Variants in MTRES1 observed in about 807,000 individuals in gnomAD.
MTRES1 encodes uncharacterized protein C6orf203.
Under a neutral mutation model 17.4 loss-of-function variants are expected in MTRES1, and 11 were observed. That is an observed-to-expected ratio of 0.63 (90% CI 0.40 to 1.05). The LOEUF (loss-of-function observed/expected upper bound fraction) is 1.05. MTRES1 is among the 50% of genes least tolerant of loss of function. The pLI is 0.00. For synonymous variants in MTRES1, 94 were observed against 99.6 expected (o/e 0.94, Z 0.34); for missense variants, 268 against 276.2 (o/e 0.97, Z 0.21).
intron 3 of MTRES1, among the ~76,000 whole-genome samples, chr6:107,045,772 A>G (rs782653276): frequency 6.0e-4 from 92 of 152,244 alleles, no homozygotes; most frequent in Non-Finnish European, 1.2e-3. Context: ...AGGTATTGGA[A>G]GACATAATCT....
intron 1 of MTRES1, among the ~76,000 whole-genome samples, chr6:107,030,823 C>T (rs1255184226): frequency 2.6e-5 from 4 of 152,150 alleles, no homozygotes; most frequent in African/African-American, 7.2e-5. Context: ...AGCAGGCATT[C>T]TAAGGATAGC....
chr6:107,030,815 C>T (rs1342523739), intron 1 of MTRES1, among the ~76,000 whole-genome samples: 2 of 152,142 alleles, frequency 1.3e-5, no homozygotes, highest in Non-Finnish European at 2.9e-5. Context: ...ACTTTGCAAG[C>T]AGGCATTCTA....
chr6:107,038,088 TC>T (rs3834847), intron 1 of MTRES1, among the ~76,000 whole-genome samples: 41,610 of 152,086 alleles, frequency 0.27, 6,037 homozygotes, highest in South Asian at 0.34. Context: ...CTGCTTTATT[TC>T]CCTTTTAAGA....
At chr6:107,049,579 A>C (rs1417212132) in intron 3 of MTRES1, among the ~76,000 whole-genome samples, 1 of 151,404 alleles carries the variant, frequency 6.6e-6, no homozygotes, top group African/African-American at 2.4e-5. Flanking sequence ...ACACCCAGCT[A>C]ATTTTTTGTA....
chr6:107,046,930 T>TTTTGTGTG (rs1367322880), intron 3 of MTRES1, among the ~76,000 whole-genome samples: 3,355 of 32,938 alleles, frequency 0.1, 96 homozygotes, highest in Non-Finnish European at 0.2. Flanking sequence ...GGATTCATTC[T>TTTTGTGTG]TGTGTGTGTG....
chr6:107,040,381 A>G, intron 2 of MTRES1, 151 bp downstream of exon 2: 4 of 590,978 alleles, frequency 6.8e-6, no homozygotes, highest in Non-Finnish European at 8.0e-6. Context: ...CATTTTATAG[A>G]TGAGCAAACT....
intron 1 of MTRES1, among the ~76,000 whole-genome samples, chr6:107,036,810 A>G (rs1380120477): frequency 6.7e-6 from 1 of 149,968 alleles, no homozygotes; most frequent in Non-Finnish European, 1.5e-5. Context: ...AGATCGCGCC[A>G]CTGTACTCCA....
rs1311550884 is a variant in MTRES1, at chr6:107,028,842, C to T, written c.-13+571C>T. Reference sequence around the variant, plus strand: ...CTCTCCTGAAGATGTCACCCAAAACCTCCTATGGGATTCTGCCGTGATCAT... The same window carrying T: ...CTCTCCTGAAGATGTCACCCAAAACTTCCTATGGGATTCTGCCGTGATCAT... On this transcript the variant is annotated intron_variant, in intron 1 of 3. Coordinates refer to ENST00000311381, the MANE Select transcript of MTRES1 (RefSeq NM_016487.5). 4.1e-6 allele frequency: 4 copies of T among 980,990 alleles called. No individual in the cohort carries two copies. The African/African-American group carries it at 5.3e-5, about 13-fold the overall frequency. 60.8% of individuals were successfully genotyped at this position (980,990 alleles called of 1,614,324 possible). A position where few individuals can be genotyped will look rare whatever the true frequency, so the allele number is the denominator to read the frequency against.
intron 1 of MTRES1, among the ~76,000 whole-genome samples, chr6:107,037,402 G>A (rs1774048443): frequency 6.6e-6 from 1 of 151,652 alleles, no homozygotes; most frequent in Non-Finnish European, 1.5e-5. Flanking sequence ...GTAGAGATGG[G>A]GTTTCACCAC....
At chr6:107,028,775 C>A (rs1333546496) in intron 1 of MTRES1, 6 of 508,336 alleles carry the variant, frequency 1.2e-5, no homozygotes, top group African/African-American at 8.3e-5. Context: ...TTTTTACAGA[C>A]ACTGCTTTTC....
intron 2 of MTRES1, chr6:107,041,038 A>C (rs1230744989): frequency 6.6e-6 from 1 of 151,350 alleles, no homozygotes; most frequent in South Asian, 2.1e-4. Context: ...CATCCTGGCT[A>C]GCACGGTGAA....
intron 1 of MTRES1, among the ~76,000 whole-genome samples, chr6:107,038,038 C>T (rs573870082): frequency 6.6e-6 from 1 of 152,148 alleles, no homozygotes; most frequent in Admixed American, 6.6e-5. Context: ...AAAATTATTC[C>T]AAATTATAGT....
rs201364966 is a variant in MTRES1 at position 107,040,262 on chromosome 6, G to T, written c.470+32G>T. ...ATGATACGCATTTCATTATAAACTC[G>T]CTCGTAGTCATGTTATTTTAATATA... On this transcript the variant is annotated intron_variant, in intron 2 of 3. Transcript: ENST00000311381. 7.8e-6 allele frequency: 12 copies of T among 1,541,110 alleles called. No homozygotes were observed. In the East Asian group the frequency reaches 2.5e-4, roughly 32 times the overall value.
intron 1 of MTRES1, among the ~76,000 whole-genome samples, chr6:107,031,753 AC>A: frequency 6.6e-6 from 1 of 152,098 alleles, no homozygotes; most frequent in Non-Finnish European, 1.5e-5. Context: ...GGCACGTGCC[AC>A]CACATTCAGC....
At chr6:107,044,887 CAAT>C (rs1774339647) in intron 3 of MTRES1, among the ~76,000 whole-genome samples, 1 of 152,144 alleles carries the variant, frequency 6.6e-6, no homozygotes, top group African/African-American at 2.4e-5. Flanking sequence ...ACTTTTCTAA[CAAT>C]AAATCATATA....
rs782080962 is a variant in MTRES1, at chr6:107,044,279, T to A, written c.490T>A (p.Tyr164Asn). The A allele has an allele frequency of 1.9e-6, 3 of 1,614,022 alleles. No individual in the cohort carries two copies. The highest frequency in any genetic ancestry group is 1.7e-5 in the Admixed American group (1 of 60,012). Residue 164 changes from tyrosine to asparagine, a missense_variant, in exon 3 of 4, where the codon TAC becomes AAC. Physicochemically the swap from Tyr to Asn is moderately radical, Grantham distance 143. Coordinates refer to ENST00000311381, the MANE Select transcript of MTRES1 (RefSeq NM_016487.5). ...TTGTAGCAAAGTGGAAGATGCTTTC[T>A]ACAAAGGTGAACTCAGGCTGAATGA... ...IGRNKVEDAF[Y>N]KGELRLNEEK...
At chr6:107,036,494 C>T (rs549585503) in intron 1 of MTRES1, among the ~76,000 whole-genome samples, 5 of 151,536 alleles carry the variant, frequency 3.3e-5, no homozygotes, top group Admixed American at 6.6e-5. Context: ...GAGCCGAGAT[C>T]GAGCCGTTTC....
At chr6:107,050,742 A>G (rs530062196) in intron 3 of MTRES1, among the ~76,000 whole-genome samples, 33 of 151,546 alleles carry the variant, frequency 2.2e-4, no homozygotes, top group Admixed American at 1.8e-3. Context: ...ACACACAGCT[A>G]ATTTTTTTAT....
At chr6:107,039,292 A>G (rs1260859648) in intron 1 of MTRES1, among the ~76,000 whole-genome samples, 1 of 151,872 alleles carries the variant, frequency 6.6e-6, no homozygotes, top group Admixed American at 6.6e-5. Context: ...GCAGATTGAT[A>G]TGACCCTGTT....
Sources: gnomAD v4.1 joint callset for allele counts (sites outside exome capture counted in the v4.1 genomes callset) on GRCh38, gnomAD v4.1.1 for gene constraint, MANE v1.5 for transcripts, NCBI Gene and HGNC (gene_info 2026-07-23, HGNC 2026-07-21) for gene names.